Variants in TNFSF4 observed in about 807,000 individuals in gnomAD.
TNFSF4 encodes the protein TNF superfamily member 4, also known as tumor necrosis factor ligand superfamily member 4.
A neutral mutation model predicts 7.3 loss-of-function variants in TNFSF4; 4 were observed. That is an observed-to-expected ratio of 0.55 (90% confidence interval 0.27 to 1.25). The LOEUF (loss-of-function observed/expected upper bound fraction) is 1.25. Among genes scored for constraint, TNFSF4 ranks in the 50% most tolerant of loss-of-function variants. TNFSF4 has a pLI of 0.12. For synonymous variants in TNFSF4, 76 were observed against 83.7 expected (o/e 0.91, Z 0.50); for missense variants, 181 against 208.8 (o/e 0.87, Z 0.82).
At chr1:173,399,994 T>G in the TNFSF4 span, among the ~76,000 whole-genome samples, 1 of 152,220 alleles carries the variant, frequency 6.6e-6, no homozygotes, top group Non-Finnish European at 1.5e-5. Flanking sequence ...GAAGGGGCAG[T>G]GTTTTGTTCT....
the TNFSF4 span, among the ~76,000 whole-genome samples, chr1:173,312,806 C>G: frequency 1.3e-5 from 2 of 152,072 alleles, no homozygotes; most frequent in Non-Finnish European, 2.9e-5. Context: ...GCTCACAGGG[C>G]CCCCAACCAG....
intron 1 of TNFSF4, chr1:173,205,558 T>C: frequency 7.7e-7 from 1 of 1,291,514 alleles, no homozygotes; most frequent in Non-Finnish European, 9.8e-7. Context: ...TCCTGTGTTT[T>C]ATCATCCCAT....
the TNFSF4 span, among the ~76,000 whole-genome samples, chr1:173,340,323 TACACACACACACACAC>T: frequency 1.9e-4 from 26 of 135,870 alleles, no homozygotes; most frequent in Middle Eastern, 3.6e-3. Context: ...CTAATCTGTT[TACACACACACACACAC>T]ACACACACAC....
the TNFSF4 span, among the ~76,000 whole-genome samples, chr1:173,445,579 G>A: frequency 6.6e-6 from 1 of 152,126 alleles, no homozygotes; most frequent in Non-Finnish European, 1.5e-5. Context: ...GGCTCCTGTG[G>A]TCCAGAGAGT....
the TNFSF4 span, among the ~76,000 whole-genome samples, chr1:173,408,988 C>T: frequency 1.1e-4 from 17 of 152,094 alleles, no homozygotes; most frequent in Non-Finnish European, 2.1e-4. Context: ...CTGGCAGACA[C>T]CTCTTAATTA....
chr1:173,370,393 C>A, the TNFSF4 span, among the ~76,000 whole-genome samples: 4 of 152,320 alleles, frequency 2.6e-5, no homozygotes, highest in Middle Eastern at 3.4e-3. Context: ...TGGATCCCCA[C>A]TGGGACCTAG....
chr1:173,175,619 G>A, the TNFSF4 span: 2 of 152,182 alleles, frequency 1.3e-5, no homozygotes. Context: ...CACAACTTGT[G>A]CTGCCACTTA....
the TNFSF4 span, among the ~76,000 whole-genome samples, chr1:173,377,185 C>G: frequency 6.6e-6 from 1 of 151,808 alleles, no homozygotes. Context: ...TTGGCAACCA[C>G]AAATGTACAA....
At chr1:173,444,431 A>G in the TNFSF4 span, among the ~76,000 whole-genome samples, 11 of 152,172 alleles carry the variant, frequency 7.2e-5, no homozygotes, top group Non-Finnish European at 1.5e-4. Flanking sequence ...ATGTTCTAAT[A>G]TAAATTTTAA....
At chr1:173,190,608 G>A (rs926810022) in intron 1 of TNFSF4, among the ~76,000 whole-genome samples, 2 of 152,184 alleles carry the variant, frequency 1.3e-5, no homozygotes, top group African/African-American at 4.8e-5. Flanking sequence ...TGTACTCTTC[G>A]TGGTGTGATA....
chr1:173,313,758 TAC>T, the TNFSF4 span, among the ~76,000 whole-genome samples: 1 of 152,140 alleles, frequency 6.6e-6, no homozygotes, highest in Non-Finnish European at 1.5e-5. Flanking sequence ...CTTCGTATAT[TAC>T]ACACACTTTT....
chr1:173,348,217 T>A, the TNFSF4 span, among the ~76,000 whole-genome samples: 3 of 152,206 alleles, frequency 2.0e-5, no homozygotes, highest in Non-Finnish European at 4.4e-5. Context: ...GGGAGATAAT[T>A]GAATTATGGG....
chr1:173,340,587 G>A, the TNFSF4 span, among the ~76,000 whole-genome samples: 1 of 152,076 alleles, frequency 6.6e-6, no homozygotes, highest in Non-Finnish European at 1.5e-5. Context: ...GATTTGTAAG[G>A]AGAAAAGGAG....
At chr1:173,360,250 T>C in the TNFSF4 span, among the ~76,000 whole-genome samples, 2 of 152,210 alleles carry the variant, frequency 1.3e-5, no homozygotes, top group African/African-American at 2.4e-5. Context: ...ACCTTTTCTC[T>C]GAAGTCTCCT....
the TNFSF4 span, among the ~76,000 whole-genome samples, chr1:173,383,507 T>C: frequency 1.3e-5 from 2 of 152,366 alleles, no homozygotes; most frequent in South Asian, 2.1e-4. Flanking sequence ...TTGGGATTCA[T>C]TCATTCACAT....
chr1:173,205,516 T>C (rs1298631297), intron 1 of TNFSF4: 2 of 1,399,330 alleles, frequency 1.4e-6, no homozygotes, highest in Non-Finnish European at 1.9e-6. Flanking sequence ...AGAGCCGTTG[T>C]GCAATCAGTT....
the TNFSF4 span, among the ~76,000 whole-genome samples, chr1:173,248,473 AAAG>A: frequency 6.6e-6 from 1 of 151,306 alleles, no homozygotes; most frequent in South Asian, 2.1e-4. Flanking sequence ...AAAGAAAAAG[AAAG>A]AAGGAAGGAA....
At chr1:173,362,561 C>A in the TNFSF4 span, 1 of 535,380 alleles carries the variant, frequency 1.9e-6, no homozygotes, top group South Asian at 1.4e-5. Context: ...GCCTCCGATT[C>A]TCACACTAAG....
the TNFSF4 span, among the ~76,000 whole-genome samples, chr1:173,258,781 C>T: frequency 2.0e-5 from 3 of 152,278 alleles, no homozygotes; most frequent in Non-Finnish European, 4.4e-5. Context: ...TCCCTCCTCA[C>T]TGGGAAGGGT....
Sources: allele counts gnomAD v4.1 joint callset (sites outside exome capture counted in the v4.1 genomes callset), GRCh38; gene constraint gnomAD v4.1.1; transcripts MANE v1.5; gene names NCBI Gene and HGNC (gene_info 2026-07-23, HGNC 2026-07-21).